HELZ: variants seen among roughly 807,000 people sequenced by gnomAD.
HELZ encodes the protein helicase with zinc finger.
A neutral mutation model predicts 218.2 loss-of-function variants in HELZ; 23 were observed. That is an observed-to-expected ratio of 0.11 (90% CI 0.08 to 0.15). The LOEUF (loss-of-function observed/expected upper bound fraction) is 0.15, where lower values mean the gene tolerates loss of function less well. HELZ is among the 10% of genes least tolerant of loss of function. The pLI, the probability that HELZ is intolerant of heterozygous loss-of-function variation, is 1.00. For synonymous variants in HELZ, 814 were observed against 829.4 expected (o/e 0.98, Z 0.32); for missense variants, 1,813 against 2,353.7 (o/e 0.77, Z 4.75).
chr17:67,146,603 A>C (rs1407224496), intron 20 of HELZ, among the ~76,000 whole-genome samples: 1 of 152,232 alleles, frequency 6.6e-6, no homozygotes, highest in African/African-American at 2.4e-5. Flanking sequence ...AACAATGTAC[A>C]CAACTGAAAG....
At chr17:67,114,730 G>A (rs1182275179) in intron 27 of HELZ, among the ~76,000 whole-genome samples, 1 of 152,146 alleles carries the variant, frequency 6.6e-6, no homozygotes, top group Non-Finnish European at 1.5e-5. Context: ...AAAGGCCTTC[G>A]CCTTCTTGCC....
intron 32 of HELZ, among the ~76,000 whole-genome samples, chr17:67,082,185 TTC>T (rs1389572010): frequency 6.6e-6 from 1 of 152,236 alleles, no homozygotes; most frequent in Non-Finnish European, 1.5e-5. Context: ...TTGGGTTGGT[TTC>T]TGTTTCTTGC....
At chr17:67,122,826 G>A (rs1344015134) in intron 26 of HELZ, 144 bp downstream of exon 26, 1 of 570,188 alleles carries the variant, frequency 1.8e-6, no homozygotes, top group East Asian at 2.8e-5. Context: ...AAGGTTAGAG[G>A]TAACATTTGC....
chr17:67,220,856 C>G (rs1232536302), intron 3 of HELZ, among the ~76,000 whole-genome samples: 2 of 146,244 alleles, frequency 1.4e-5, no homozygotes, highest in Admixed American at 6.8e-5. Context: ...AACTCCCCCC[C>G]CCCCAAAAAA....
chr17:67,162,065 G>C (rs2039008353), intron 15 of HELZ, among the ~76,000 whole-genome samples: 1 of 152,190 alleles, frequency 6.6e-6, no homozygotes, highest in Admixed American at 6.5e-5. Flanking sequence ...AGGCTATATT[G>C]TACTTAAATC....
chr17:67,149,681 A>C (rs1598324238), intron 19 of HELZ, among the ~76,000 whole-genome samples, 186 bp downstream of exon 19: 1 of 152,244 alleles, frequency 6.6e-6, no homozygotes, highest in African/African-American at 2.4e-5. Flanking sequence ...AAAAAAGAAA[A>C]AAGAGTAGCA....
At chr17:67,094,333 A>AAAGAGAGAGAGAGAGAGAG (rs528061407) in intron 31 of HELZ, among the ~76,000 whole-genome samples, 4 of 146,562 alleles carry the variant, frequency 2.7e-5, no homozygotes, top group African/African-American at 7.9e-5. Context: ...AAAAAAAAAA[A>AAAGAGAGAGAGAGAGAGAG]AGAGAGAGAG....
rs1024639506 is a variant in HELZ at position 67,106,424 on chromosome 17, C to T, written c.5241+745G>A. Among the ~76,000 whole-genome samples, 4 of 151,660 alleles carry T rather than the reference C, an allele frequency of 2.6e-5. 1 individual carries two copies. In the South Asian group the frequency reaches 8.3e-4, roughly 32 times the overall value. On this transcript the variant is annotated intron_variant, in intron 31 of 32. Coordinates refer to ENST00000358691, the MANE Select transcript of HELZ (RefSeq NM_014877.4). ...CCGGGTTCACGCCATTCTCCTGCCT[C>T]AGCCTCCCGAGTAGCTGGGACTACA...
chr17:67,130,661 C>T lies in HELZ; in HGVS notation c.3183-1806G>A, dbSNP rs532468303. Among the ~76,000 whole-genome samples the T allele has an allele frequency of 7.9e-5, 12 of 152,258 alleles. No homozygotes were observed. In the South Asian group the frequency reaches 2.5e-3, roughly 32 times the overall value. On this transcript the variant is annotated intron_variant, in intron 23 of 32. Transcript: ENST00000358691. ...GACTATCTTATATAGCACTCAGGAT[C>T]TAAAATCCATCCACTTTCCCACCCT...
chr17:67,123,105 TGGA>T lies in HELZ; in HGVS notation c.3492_3494del (p.Pro1167del). 1 of 1,613,322 alleles carries T rather than the reference TGGA, an allele frequency of 6.2e-7. No homozygotes were observed. Among genetic ancestry groups the T allele is most frequent in the East Asian group, 2.2e-5 (1 of 44,846 alleles). ...AATTTGGGTGAGGTCCAAGAGGGGG[TGGA>T]GGAGTATATGCTCTAATAGGATTGC... is the stretch of plus-strand genomic sequence containing the variant. On this transcript the variant is annotated inframe_deletion, in exon 26 of 33. Transcript: ENST00000358691.
At chr17:67,146,638 T>C (rs2038506142) in intron 20 of HELZ, among the ~76,000 whole-genome samples, 1 of 152,160 alleles carries the variant, frequency 6.6e-6, no homozygotes. Flanking sequence ...AACTGTAAAA[T>C]GAATTCGCTT....
At chr17:67,150,675 C>T (rs1265630371) in intron 18 of HELZ, among the ~76,000 whole-genome samples, 1 of 152,168 alleles carries the variant, frequency 6.6e-6, no homozygotes, top group Non-Finnish European at 1.5e-5. Flanking sequence ...AACACCAACA[C>T]TCTCCAAATT....
chr17:67,107,577 C>G lies in HELZ; in HGVS notation c.4833G>C (p.Gln1611His), dbSNP rs1190706854. 6.2e-7 allele frequency: 1 copy of G among 1,614,028 alleles called. No individual in the cohort carries two copies. The highest frequency in any genetic ancestry group is 1.3e-5 in the African/African-American group (1 of 74,914). ...QSRLLQYRQV[Q>H]SRSPPAVPSP... is the part of the protein sequence containing the mutation. ...ATGGGACTGCTGGTGGGCTTCTACT[C>G]TGTACTTGTCTATATTGCAAAAGTC... Residue 1611 changes from glutamine (Q) to histidine (H), a missense_variant, in exon 31 of 33, where the codon CAG becomes CAC. Coordinates refer to ENST00000358691, the MANE Select transcript of HELZ (RefSeq NM_014877.4).
chr17:67,120,376 G>T (rs138115368), intron 27 of HELZ, 29 bp downstream of exon 27: 2 of 1,571,410 alleles, frequency 1.3e-6, no homozygotes, highest in South Asian at 1.1e-5. Context: ...ATCAGTTTAT[G>T]AACAGGAGAA....
Position 67,075,168 on chromosome 17 carries a change from C to T in HELZ, c.*3084G>A, listed in dbSNP as rs568216803. 4 of 152,090 alleles carry T rather than the reference C, an allele frequency of 2.6e-5. No homozygotes were observed. Among genetic ancestry groups the T allele is most frequent in the African/African-American group, 9.6e-5 (4 of 41,510 alleles). 9.4% of individuals were successfully genotyped at this position (152,090 alleles called of 1,614,324 possible). A position where few individuals can be genotyped will look rare whatever the true frequency, so the allele number is the denominator to read the frequency against. ...GAAAAGAATTTTTTCAGCATGAAGG[C>T]TCACTTTACAAACTCTATCATCCAA... On this transcript the variant is annotated 3_prime_UTR_variant, in exon 33 of 33. Coordinates refer to ENST00000358691, the MANE Select transcript of HELZ (RefSeq NM_014877.4).
rs1214092323 is a variant in HELZ at position 67,190,259 on chromosome 17, C to T, written c.654G>A (p.Arg218=). 1 of 1,613,980 alleles carries T rather than the reference C, an allele frequency of 6.2e-7. No homozygotes were observed. The highest frequency in any genetic ancestry group is 8.5e-7 in the Non-Finnish European group (1 of 1,179,866). The change falls in exon 10 of 33, where the codon CGG becomes CGA. Residue 218 remains arginine (R), a synonymous_variant. Coordinates refer to ENST00000358691, the MANE Select transcript of HELZ (RefSeq NM_014877.4). ...LAEWQKRYAS[R]LIKLKQQNEN... is the part of the protein sequence containing the mutation. Reference sequence around the variant, plus strand: ...CATTTTGCTGTTTCAATTTTATCAGCCGTGAAGCATATCTTTTCTGCCATT... The same window carrying T: ...CATTTTGCTGTTTCAATTTTATCAGTCGTGAAGCATATCTTTTCTGCCATT...
intron 17 of HELZ, among the ~76,000 whole-genome samples, chr17:67,155,961 TTTA>T (rs1190448846): frequency 1.3e-5 from 2 of 149,114 alleles, no homozygotes; most frequent in Non-Finnish European, 3.0e-5. Context: ...ACATATAATT[TTTA>T]TTTTTATGTA....
chr17:67,102,922 A>G (rs1207244494), intron 31 of HELZ, among the ~76,000 whole-genome samples: 1 of 152,230 alleles, frequency 6.6e-6, no homozygotes, highest in Non-Finnish European at 1.5e-5. Context: ...TCAGACATTA[A>G]GAGCACCAAG....
intron 16 of HELZ, 73 bp downstream of exon 16, chr17:67,160,824 C>T (rs780342202): frequency 1.5e-4 from 163 of 1,108,830 alleles, no homozygotes; most frequent in Non-Finnish European, 1.4e-4. Context: ...TGCTAGCCCT[C>T]ATTGTGTATT....
Sources: gnomAD v4.1 joint callset for allele counts (sites outside exome capture counted in the v4.1 genomes callset) on GRCh38, gnomAD v4.1.1 for gene constraint, MANE v1.5 for transcripts, NCBI Gene and HGNC (gene_info 2026-07-23, HGNC 2026-07-21) for gene names.